The following TBC1D22A variants were observed in gnomAD, a reference collection of about 807,000 sequenced individuals.
TBC1D22A encodes the protein TBC1 domain family member 22A.
A neutral mutation model predicts 60.2 loss-of-function variants in TBC1D22A; 38 were observed. The ratio of observed to expected loss-of-function variants is 0.63; its 90% confidence interval spans 0.49 to 0.83. The LOEUF (loss-of-function observed/expected upper bound fraction) is 0.83. Among genes scored for constraint, TBC1D22A ranks in the 40% least tolerant of loss-of-function variants. The probability of loss-of-function intolerance (pLI) is 0.00; values close to 1 mark genes in which losing one functional copy is unlikely to be tolerated. For missense variants in TBC1D22A, 628 were observed against 701.0 expected (o/e 0.90, Z 1.18); for synonymous variants, 302 against 281.7 (o/e 1.07, Z -0.72).
chr22:46,992,789 T>C (rs1291019141), intron 9 of TBC1D22A, among the ~76,000 whole-genome samples: 1 of 152,192 alleles, frequency 6.6e-6, no homozygotes, highest in Admixed American at 6.5e-5. Context: ...TGTCCTTGCG[T>C]GGTCAGAGCC....
chr22:47,115,125 G>A (rs969843042), intron 12 of TBC1D22A, among the ~76,000 whole-genome samples: 4 of 152,124 alleles, frequency 2.6e-5, no homozygotes, highest in African/African-American at 7.2e-5. Context: ...CCTGGATGGC[G>A]GCACCTTCTG....
chr22:46,909,239 G>A (rs2069715068), intron 7 of TBC1D22A, among the ~76,000 whole-genome samples: 1 of 152,110 alleles, frequency 6.6e-6, no homozygotes, highest in Admixed American at 6.5e-5. Flanking sequence ...CTCTGAAAGT[G>A]AGGGGCCTTG....
chr22:47,020,851 C>T (rs2148337541), intron 10 of TBC1D22A, among the ~76,000 whole-genome samples: 1 of 146,602 alleles, frequency 6.8e-6, no homozygotes, highest in South Asian at 2.1e-4. Context: ...TATATAATTA[C>T]AGGATTATAT....
intron 10 of TBC1D22A, among the ~76,000 whole-genome samples, chr22:47,024,171 C>T (rs2062177024): frequency 2.0e-5 from 3 of 152,176 alleles, no homozygotes; most frequent in Admixed American, 6.5e-5. Flanking sequence ...GGCAGGGACA[C>T]ATACCATCAC....
intron 1 of TBC1D22A, among the ~76,000 whole-genome samples, chr22:46,766,735 A>AAGTAG (rs1427313947): frequency 2.6e-5 from 4 of 151,936 alleles, no homozygotes; most frequent in Non-Finnish European, 5.9e-5. Context: ...ATGTGGTTTC[A>AAGTAG]ACATGTTGGT....
intron 7 of TBC1D22A, among the ~76,000 whole-genome samples, chr22:46,900,927 T>G (rs568447052): frequency 6.6e-6 from 1 of 152,362 alleles, no homozygotes; most frequent in East Asian, 1.9e-4. Flanking sequence ...TCTTTTAACG[T>G]TGCACCATTG....
chr22:46,927,432 A>G (rs1038648828), intron 8 of TBC1D22A, among the ~76,000 whole-genome samples: 1 of 152,242 alleles, frequency 6.6e-6, no homozygotes, highest in African/African-American at 2.4e-5. Context: ...TCAACAAACT[A>G]GGAATAGAAG....
In TBC1D22A at chr22:47,168,813, T is replaced by C. The variant is rs1162156668; in HGVS notation, c.1426-4685T>C. Among the ~76,000 whole-genome samples, 9 of 152,240 alleles carry C rather than the reference T, an allele frequency of 5.9e-5. No homozygotes were observed. In the East Asian group the frequency reaches 1.4e-3, roughly 23 times the overall value. ...TCCACGGATGGCACTAGGATTCGTT[T>C]GACTCAGGAAAAATAAAACCCTTTT... On this transcript the variant is annotated intron_variant, in intron 12 of 12. Transcript: ENST00000337137.
chr22:46,900,903 A>G (rs1051850350), intron 7 of TBC1D22A, among the ~76,000 whole-genome samples: 5 of 152,224 alleles, frequency 3.3e-5, no homozygotes, highest in African/African-American at 1.2e-4. Context: ...CTCACTGCTG[A>G]TTTTAAAGGG....
chr22:46,775,807 G>A (rs527501267), intron 1 of TBC1D22A, among the ~76,000 whole-genome samples: 1 of 152,362 alleles, frequency 6.6e-6, no homozygotes, highest in South Asian at 2.1e-4. Flanking sequence ...ACCTAGCTGG[G>A]TTTTGTCGTG....
intron 11 of TBC1D22A, among the ~76,000 whole-genome samples, chr22:47,110,699 G>A (rs1371426494): frequency 6.6e-6 from 1 of 152,164 alleles, no homozygotes; most frequent in Non-Finnish European, 1.5e-5. Context: ...ACTGACAGTA[G>A]TCCTATAGAT....
intron 2 of TBC1D22A, among the ~76,000 whole-genome samples, chr22:46,793,234 G>A (rs1408438928): frequency 5.3e-5 from 8 of 152,232 alleles, no homozygotes; most frequent in Admixed American, 5.2e-4. Context: ...GAGCTGGGGT[G>A]GTCCTGCAGG....
At chr22:46,897,165 T>C (rs1024843454) in intron 7 of TBC1D22A, among the ~76,000 whole-genome samples, 23 of 152,160 alleles carry the variant, frequency 1.5e-4, no homozygotes, top group African/African-American at 5.6e-4. Flanking sequence ...TAGGAAAGAA[T>C]GAAGCAGCAA....
chr22:47,007,468 C>T (rs985759846), intron 10 of TBC1D22A, among the ~76,000 whole-genome samples: 4 of 152,192 alleles, frequency 2.6e-5, no homozygotes, highest in African/African-American at 9.6e-5. Context: ...TTTCCTGCCC[C>T]AGAGATAAAA....
At chr22:46,884,065 C>T (rs1018794907) in intron 5 of TBC1D22A, among the ~76,000 whole-genome samples, 8 of 152,186 alleles carry the variant, frequency 5.3e-5, no homozygotes, top group African/African-American at 1.9e-4. Flanking sequence ...GGGCAAACAG[C>T]GTTCCAAGCC....
intron 11 of TBC1D22A, among the ~76,000 whole-genome samples, chr22:47,082,930 C>T (rs1251468861): frequency 6.6e-6 from 1 of 152,192 alleles, no homozygotes; most frequent in East Asian, 1.9e-4. Context: ...TTTATTCATA[C>T]CAGCCAAAAC....
intron 4 of TBC1D22A, among the ~76,000 whole-genome samples, chr22:46,860,725 C>T (rs1325138498): frequency 6.6e-6 from 1 of 152,226 alleles, no homozygotes; most frequent in African/African-American, 2.4e-5. Context: ...CTTCTGGCGA[C>T]AGGCGTCCTG....
rs77976024 is a variant in TBC1D22A, at chr22:46,932,175, C to T, written c.1015+19987C>T. On this transcript the variant is annotated intron_variant, in intron 8 of 12. Transcript: ENST00000337137. The stretch of plus-strand genomic sequence containing the variant: ...CTAGTGGCGGGTTCACCGTGTCAGA[C>T]ACTGCGCTAAGCAGGTCATTACATG... 7.9e-5 allele frequency among the ~76,000 whole-genome samples: 12 copies of T among 152,302 alleles called. No homozygotes were observed. In the East Asian group the frequency reaches 2.3e-3, roughly 29 times the overall value.
At chr22:46,863,115 T>G (rs2066894433) in intron 4 of TBC1D22A, among the ~76,000 whole-genome samples, 1 of 152,084 alleles carries the variant, frequency 6.6e-6, no homozygotes, top group Non-Finnish European at 1.5e-5. Flanking sequence ...GTTGCACTGG[T>G]CATGGGTTAG....
Sources: allele counts gnomAD v4.1 joint callset (sites outside exome capture counted in the v4.1 genomes callset), GRCh38; gene constraint gnomAD v4.1.1; transcripts MANE v1.5; gene names NCBI Gene and HGNC (gene_info 2026-07-23, HGNC 2026-07-21).